The following METRNL variants were observed in gnomAD, a reference collection of about 807,000 sequenced individuals.
METRNL encodes meteorin like, glial cell differentiation regulator.
Under a neutral mutation model 17.4 loss-of-function variants are expected in METRNL, and 9 were observed. The observed-to-expected ratio is 0.52, with a 90% CI of 0.31 to 0.90. The LOEUF (loss-of-function observed/expected upper bound fraction) is 0.90. Among genes scored for constraint, METRNL ranks in the 40% least tolerant of loss-of-function variants. METRNL has a pLI of 0.05. For missense variants in METRNL, 408 were observed against 430.7 expected (o/e 0.95, Z 0.47); for synonymous variants, 215 against 199.3 (o/e 1.08, Z -0.66).
chr17:83,082,296 C>T (rs1046811285), intron 1 of METRNL: 5 of 979,952 alleles, frequency 5.1e-6, no homozygotes, highest in East Asian at 2.3e-4. Context: ...ATACAGGAGC[C>T]GGGCATTTTG....
chr17:83,082,049 T>A (rs2037995958), intron 1 of METRNL: 1 of 984,694 alleles, frequency 1.0e-6, no homozygotes, highest in Admixed American at 6.1e-5. Flanking sequence ...ACGGCCTCTG[T>A]TGCTGGGTGT....
At chr17:83,081,526 C>T (rs1465750510) in intron 1 of METRNL, among the ~76,000 whole-genome samples, 1 of 152,174 alleles carries the variant, frequency 6.6e-6, no homozygotes, top group South Asian at 2.1e-4. Flanking sequence ...CCTCCAGGGG[C>T]GGGCGGCTCC....
intron 2 of METRNL, chr17:83,092,482 G>C (rs1458376285): frequency 6.6e-6 from 1 of 152,560 alleles, no homozygotes; most frequent in Non-Finnish European, 1.5e-5. Flanking sequence ...TGGGAAATGA[G>C]GGTGGTCCCG....
intron 2 of METRNL, among the ~76,000 whole-genome samples, chr17:83,088,267 C>T (rs558297237): frequency 2.3e-4 from 35 of 152,358 alleles, no homozygotes; most frequent in Middle Eastern, 3.4e-3. Context: ...GTGCAGCTTC[C>T]GGCCGTGCCC....
In METRNL at chr17:83,089,451, G is replaced by A. The variant is rs548758291; in HGVS notation, c.557-3716G>A. ...TGTCTGTCATTCTCAGCCTCTCCTCGGAACCAGCCGGTCCTGCCTCTCTAC... is the reference window on the plus strand; with the variant it reads ...TGTCTGTCATTCTCAGCCTCTCCTCAGAACCAGCCGGTCCTGCCTCTCTAC... On this transcript the variant is annotated intron_variant, in intron 2 of 3. Transcript: ENST00000320095. Among the ~76,000 whole-genome samples, 8 of 152,166 alleles carry A rather than the reference G, an allele frequency of 5.3e-5. No homozygotes were observed. In the South Asian group the frequency reaches 1.0e-3, roughly 20 times the overall value.
chr17:83,082,043 C>T (rs1231032206), intron 1 of METRNL: 8 of 983,208 alleles, frequency 8.1e-6, no homozygotes, highest in Non-Finnish European at 9.7e-6. Context: ...GCATCGACGG[C>T]CTCTGTTGCT....
rs989793324 is a variant in METRNL, at chr17:83,094,987, T to G, written c.*412T>G. On this transcript the variant is annotated 3_prime_UTR_variant, in exon 4 of 4. Transcript: ENST00000320095. ...TGTGTGAAAAGGTGCCATTCAGAGT[T>G]GTTATTCTCATGACGGAAGTTTTGG... is the stretch of plus-strand genomic sequence containing the variant. The G allele has an allele frequency of 5.2e-6, 1 of 193,652 alleles. No homozygotes were observed. Among genetic ancestry groups the G allele is most frequent in the Non-Finnish European group, 1.0e-5 (1 of 96,034 alleles). The allele number at this position is 193,652 out of a possible 1,614,324, so 12.0% of individuals were successfully genotyped here. A position where few individuals can be genotyped will look rare whatever the true frequency, so the allele number is the denominator to read the frequency against.
chr17:83,081,931 C>A (rs957821049), intron 1 of METRNL, among the ~76,000 whole-genome samples: 2 of 152,226 alleles, frequency 1.3e-5, no homozygotes, highest in Non-Finnish European at 2.9e-5. Context: ...TGACTTTTTA[C>A]CAGCTGTCCT....
intron 2 of METRNL, among the ~76,000 whole-genome samples, chr17:83,090,529 G>A (rs1178735295): frequency 1.1e-5 from 1 of 92,508 alleles, no homozygotes; most frequent in Non-Finnish European, 2.3e-5. Flanking sequence ...ACACACCCCC[G>A]ACTGTGCTGC....
chr17:83,093,443 T>G (rs111389501), intron 3 of METRNL, among the ~76,000 whole-genome samples: 12 of 152,300 alleles, frequency 7.9e-5, no homozygotes, highest in African/African-American at 2.9e-4. Flanking sequence ...AGCTGGGGGT[T>G]GTTTTGGTGA....
chr17:83,090,782 G>T (rs931864677), intron 2 of METRNL, among the ~76,000 whole-genome samples: 12 of 151,978 alleles, frequency 7.9e-5, no homozygotes, highest in African/African-American at 2.7e-4. Context: ...GTGCTGGCGT[G>T]CAGTCTCACC....
At chr17:83,080,716 A>G (rs1438539535) in intron 1 of METRNL, among the ~76,000 whole-genome samples, 6 of 142,556 alleles carry the variant, frequency 4.2e-5, no homozygotes, top group Non-Finnish European at 7.6e-5. Context: ...CGCCGAGGGC[A>G]CCGCGGCCGA....
chr17:83,081,191 G>C (rs2037982718), intron 1 of METRNL, among the ~76,000 whole-genome samples: 1 of 151,930 alleles, frequency 6.6e-6, no homozygotes, highest in Admixed American at 6.5e-5. Flanking sequence ...TCTGGGGGGG[G>C]TCGGCCGGGA....
At chr17:83,086,140 G>A (rs979726111) in intron 2 of METRNL, among the ~76,000 whole-genome samples, 2 of 152,222 alleles carry the variant, frequency 1.3e-5, no homozygotes, top group African/African-American at 2.4e-5. Context: ...CCTGTGGGCC[G>A]TGTGACCTCC....
At position 83,094,821 on chromosome 17, in the gene METRNL, A is replaced by C. The variant is rs2038185182; in HGVS notation, c.*246A>C. 1 of 390,496 alleles carries C rather than the reference A, an allele frequency of 2.6e-6. No homozygotes were observed. Among genetic ancestry groups the C allele is most frequent in the African/African-American group, 2.1e-5 (1 of 48,368 alleles). The allele number at this position is 390,496 out of a possible 1,614,324, so 24.2% of individuals were successfully genotyped here. On this transcript the variant is annotated 3_prime_UTR_variant, in exon 4 of 4. Transcript: ENST00000320095. The stretch of plus-strand genomic sequence containing the variant: ...CTAAGTTATTATATTTTTTTTTGGT[A>C]AAAAAGAAATGTCCATAGGAAACAA...
intron 2 of METRNL, among the ~76,000 whole-genome samples, chr17:83,088,483 T>C (rs1271285248): frequency 6.6e-6 from 1 of 152,146 alleles, no homozygotes; most frequent in Non-Finnish European, 1.5e-5. Context: ...TGTCAGATGC[T>C]CCTGGCTTGG....
At chr17:83,092,948 G>A (rs759037204) in intron 2 of METRNL, among the ~76,000 whole-genome samples, 8 of 152,152 alleles carry the variant, frequency 5.3e-5, no homozygotes, top group East Asian at 1.9e-4. Context: ...GTGAGACCCC[G>A]TCGTGGTCGA....
chr17:83,085,231 C>T lies in METRNL; in HGVS notation c.464C>T (p.Ala155Val). ...GAGCAGGGCGGCCTGTTCGTGGAGG[C>T]CACGCCGCAGCAGGATATCGGCCGG... ...GLEQGGLFVE[A>V]TPQQDIGRRT... Residue 155 changes from alanine (A) to valine (V), a missense_variant, in exon 2 of 4, where the codon GCC (alanine) becomes GTC (valine). Ala to Val is a moderately conservative substitution (Grantham distance 64). Transcript: ENST00000320095. 6.3e-7 allele frequency: 1 copy of T among 1,592,742 alleles called. No homozygotes were observed. The highest frequency in any genetic ancestry group is 8.6e-7 in the Non-Finnish European group (1 of 1,168,018).
intron 1 of METRNL, among the ~76,000 whole-genome samples, chr17:83,083,114 C>T (rs1402019322): frequency 2.6e-5 from 4 of 152,214 alleles, no homozygotes; most frequent in South Asian, 2.1e-4. Context: ...TGGAGCCAGG[C>T]GTGCCCACCA....
Sources: allele counts gnomAD v4.1 joint callset (sites outside exome capture counted in the v4.1 genomes callset), GRCh38; gene constraint gnomAD v4.1.1; transcripts MANE v1.5; gene names NCBI Gene and HGNC (gene_info 2026-07-23, HGNC 2026-07-21).